RFX3: variants seen among roughly 807,000 people sequenced by gnomAD.
RFX3 encodes the protein transcription factor RFX3.
In RFX3, 14 loss-of-function variants were observed where a neutral mutation model predicts 98.6. The observed-to-expected ratio is 0.14, with a 90% CI of 0.09 to 0.22. The LOEUF (loss-of-function observed/expected upper bound fraction) is 0.22, where lower values mean the gene tolerates loss of function less well. Among genes scored for constraint, RFX3 ranks in the 10% least tolerant of loss-of-function variants. The probability of loss-of-function intolerance (pLI) is 1.00; values close to 1 mark genes in which losing one functional copy is unlikely to be tolerated. For synonymous variants in RFX3, 383 were observed against 328.4 expected (o/e 1.17, Z -1.80); for missense variants, 639 against 926.9 (o/e 0.69, Z 4.03).
At chr9:3,401,356 A>G (rs193158365) in intron 1 of RFX3, among the ~76,000 whole-genome samples, 1 of 152,350 alleles carries the variant, frequency 6.6e-6, no homozygotes, top group African/African-American at 2.4e-5. Context: ...AGTAAGGATC[A>G]TCACATGAGA....
At chr9:3,393,514 T>G (rs1244700864) in intron 2 of RFX3, among the ~76,000 whole-genome samples, 1 of 152,152 alleles carries the variant, frequency 6.6e-6, no homozygotes, top group Non-Finnish European at 1.5e-5. Flanking sequence ...CAGAGTGAGT[T>G]AAATGTTCAA....
chr9:3,408,841 TC>T (rs919377295), intron 1 of RFX3, among the ~76,000 whole-genome samples: 11 of 152,138 alleles, frequency 7.2e-5, no homozygotes, highest in Non-Finnish European at 1.6e-4. Flanking sequence ...TGCCTCTTTT[TC>T]CCCGTCCCTG....
intron 1 of RFX3, among the ~76,000 whole-genome samples, chr9:3,524,827 G>GCACACACA (rs34119220): frequency 3.5e-4 from 45 of 128,222 alleles, no homozygotes; most frequent in Non-Finnish European, 6.3e-4. Context: ...TAAATCACAA[G>GCACACACA]CACACACACA....
chr9:3,475,285 G>C (rs1199165693), intron 1 of RFX3, among the ~76,000 whole-genome samples: 1 of 151,932 alleles, frequency 6.6e-6, no homozygotes, highest in East Asian at 1.9e-4. Context: ...TAGAAATAAA[G>C]ACACAAGACA....
chr9:3,281,699 T>C (rs1825936325), intron 7 of RFX3, among the ~76,000 whole-genome samples: 2 of 151,784 alleles, frequency 1.3e-5, no homozygotes, highest in African/African-American at 4.8e-5. Context: ...ACTGTATGCA[T>C]AAAACCTGTC....
intron 14 of RFX3, among the ~76,000 whole-genome samples, chr9:3,252,718 T>C (rs1821588621): frequency 6.6e-6 from 1 of 152,082 alleles, no homozygotes; most frequent in South Asian, 2.1e-4. Flanking sequence ...ATTCTGAGTG[T>C]TTTGGAAACT....
chr9:3,388,172 C>A (rs116685568), intron 2 of RFX3, among the ~76,000 whole-genome samples: 1,610 of 152,060 alleles, frequency 0.011, 33 homozygotes, highest in African/African-American at 0.036. Flanking sequence ...ATGGAAATGA[C>A]CCAGTATTGA....
At chr9:3,252,317 G>T (rs1330084769) in intron 14 of RFX3, among the ~76,000 whole-genome samples, 1 of 152,106 alleles carries the variant, frequency 6.6e-6, no homozygotes, top group African/African-American at 2.4e-5. Context: ...TTCACGTTCT[G>T]TTAGGTGAGA....
intron 2 of RFX3, among the ~76,000 whole-genome samples, chr9:3,373,062 CAT>C (rs1379090555): frequency 6.6e-6 from 1 of 151,956 alleles, no homozygotes; most frequent in Non-Finnish European, 1.5e-5. Flanking sequence ...TATTCGTTGC[CAT>C]ATCTCTATGT....
intron 1 of RFX3, among the ~76,000 whole-genome samples, chr9:3,406,158 T>A (rs1331134717): frequency 6.6e-6 from 1 of 151,942 alleles, no homozygotes; most frequent in Non-Finnish European, 1.5e-5. Flanking sequence ...AGACAGGGTT[T>A]CACCATGTTG....
At chr9:3,457,574 A>T (rs554007330) in intron 1 of RFX3, among the ~76,000 whole-genome samples, 10 of 151,746 alleles carry the variant, frequency 6.6e-5, no homozygotes, top group African/African-American at 2.4e-4. Flanking sequence ...TTTTATTATT[A>T]TTTTTTTTCA....
rs142238145 is a variant in RFX3 at position 3,433,193 on chromosome 9, T to A, written c.-8-37597A>T. ...GAATCCATGTAGCTCAAGCCCATGT[T>A]GTTCAAGAGTCAACTGTATTTCCAT... On this transcript the variant is annotated intron_variant, in intron 1 of 16. Transcript: ENST00000617270. 4.6e-5 allele frequency among the ~76,000 whole-genome samples: 7 copies of A among 152,218 alleles called. No homozygotes were observed. In the East Asian group the frequency reaches 1.4e-3, roughly 29 times the overall value.
chr9:3,350,862 A>G (rs904386619), intron 2 of RFX3, among the ~76,000 whole-genome samples: 9 of 152,136 alleles, frequency 5.9e-5, no homozygotes, highest in African/African-American at 2.2e-4. Context: ...ATACTGTAGG[A>G]TTTCAACTAT....
rs367887438 is a variant in RFX3, at chr9:3,330,439, C to A, written c.294G>T (p.Gly98=). 4 of 1,614,028 alleles carry A rather than the reference C, an allele frequency of 2.5e-6. No individual in the cohort carries two copies. Among genetic ancestry groups the A allele is most frequent in the Non-Finnish European group, 3.4e-6 (4 of 1,179,966 alleles). The part of the protein sequence containing the change: ...NTGGNYFDTQ[G]SSAQVTTVVS... ...CCACGGTAGTCACCTGGGCGGAACT[C>A]CCTTGAGTATCAAAGTAATTCCCTC... Residue 98 remains glycine (G), a synonymous_variant, in exon 4 of 17, where the codon GGG becomes GGT. Coordinates refer to ENST00000617270, the MANE Select transcript of RFX3 (RefSeq NM_001282116.2).
intron 9 of RFX3, among the ~76,000 whole-genome samples, chr9:3,273,999 T>C (rs1824875762): frequency 6.6e-6 from 1 of 151,958 alleles, no homozygotes; most frequent in Non-Finnish European, 1.5e-5. Context: ...TAGAAAGAAA[T>C]AATTTTCTCT....
chr9:3,395,058 A>G (rs1840715736), intron 2 of RFX3, among the ~76,000 whole-genome samples: 2 of 152,242 alleles, frequency 1.3e-5, no homozygotes, highest in Admixed American at 6.5e-5. Flanking sequence ...CCCTGCCTGG[A>G]AGGTGCATGC....
intron 6 of RFX3, among the ~76,000 whole-genome samples, chr9:3,291,302 G>A (rs1260327310): frequency 9.2e-5 from 14 of 152,124 alleles, no homozygotes; most frequent in African/African-American, 3.1e-4. Context: ...AACCCGGGGG[G>A]CAGAGGTTGC....
intron 1 of RFX3, among the ~76,000 whole-genome samples, chr9:3,472,359 T>A (rs1848852400): frequency 6.6e-6 from 1 of 152,150 alleles, no homozygotes; most frequent in Non-Finnish European, 1.5e-5. Context: ...TTAATTCAAT[T>A]TTCCCCATCT....
chr9:3,428,809 G>T (rs1844354739), intron 1 of RFX3, among the ~76,000 whole-genome samples: 1 of 152,024 alleles, frequency 6.6e-6, no homozygotes, highest in Non-Finnish European at 1.5e-5. Context: ...TACATGAAAT[G>T]AATAGTTCCA....
Sources: allele counts gnomAD v4.1 joint callset (sites outside exome capture counted in the v4.1 genomes callset), GRCh38; gene constraint gnomAD v4.1.1; transcripts MANE v1.5; gene names NCBI Gene and HGNC (gene_info 2026-07-23, HGNC 2026-07-21).